Variants in CTNND2 observed in about 807,000 individuals in gnomAD.
CTNND2 encodes the protein catenin delta-2.
CTNND2 carries 22 observed loss-of-function variants against 144.4 expected under a neutral mutation model. That is an observed-to-expected ratio of 0.15 (90% CI 0.11 to 0.22). The LOEUF is 0.22. CTNND2 is among the 10% of genes least tolerant of loss of function. CTNND2 has a pLI of 1.00. For missense variants in CTNND2, 1,353 were observed against 1,618.8 expected, an observed-to-expected ratio of 0.84 and a Z score of 2.82; for synonymous variants, 751 against 695.6, an observed-to-expected ratio of 1.08 and a Z score of -1.25.
At chr5:11,674,450 G>T (rs377109464) in intron 2 of CTNND2, among the ~76,000 whole-genome samples, 1 of 152,102 alleles carries the variant, frequency 6.6e-6, no homozygotes, top group Non-Finnish European at 1.5e-5. Context: ...CACATGTATA[G>T]CCTCCCTCAT....
At chr5:11,800,850 T>A (rs1374958635) in intron 1 of CTNND2, among the ~76,000 whole-genome samples, 3 of 152,214 alleles carry the variant, frequency 2.0e-5, no homozygotes, top group Non-Finnish European at 4.4e-5. Flanking sequence ...AAGTCTTATT[T>A]ATAAATCACA....
At chr5:11,467,605 G>A (rs1018097980) in intron 3 of CTNND2, among the ~76,000 whole-genome samples, 1 of 152,130 alleles carries the variant, frequency 6.6e-6, no homozygotes, top group Non-Finnish European at 1.5e-5. Context: ...TAAGTACGTA[G>A]ACTTAACAAA....
chr5:11,509,779 A>C (rs983897816), intron 3 of CTNND2, among the ~76,000 whole-genome samples: 2 of 152,240 alleles, frequency 1.3e-5, no homozygotes, highest in Non-Finnish European at 2.9e-5. Context: ...ACACAGACAC[A>C]GCTGTACCAA....
At chr5:11,652,723 T>C (rs1208469329) in intron 2 of CTNND2, among the ~76,000 whole-genome samples, 1 of 152,198 alleles carries the variant, frequency 6.6e-6, no homozygotes, top group African/African-American at 2.4e-5. Flanking sequence ...ATGTATGAAG[T>C]TGTGTGTGTG....
At chr5:11,168,086 T>C (rs1759530497) in intron 11 of CTNND2, among the ~76,000 whole-genome samples, 1 of 152,132 alleles carries the variant, frequency 6.6e-6, no homozygotes, top group East Asian at 1.9e-4. Flanking sequence ...TTAAAATCAG[T>C]TAATATTACA....
intron 9 of CTNND2, among the ~76,000 whole-genome samples, chr5:11,302,835 C>T (rs1749753237): frequency 6.6e-6 from 1 of 152,154 alleles, no homozygotes; most frequent in Non-Finnish European, 1.5e-5. Context: ...TGAGGCAATG[C>T]CTGGTAGGTT....
chr5:11,594,040 C>A (rs1779385756), intron 2 of CTNND2, among the ~76,000 whole-genome samples: 1 of 152,192 alleles, frequency 6.6e-6, no homozygotes, highest in Admixed American at 6.5e-5. Flanking sequence ...TAAACATACT[C>A]TGTTTCTCAG....
rs140108948 is a variant in CTNND2 at position 11,514,749 on chromosome 5, C to T, written c.287+50195G>A. ...CATTTGCTTCGACTTGGAACTTTTC[C>T]CTAAGATGCAAATATGCATGTGCAT... On this transcript the variant is annotated intron_variant, in intron 3 of 21. Transcript: ENST00000304623. Among the ~76,000 whole-genome samples, 613 of 152,250 alleles carry T rather than the reference C, an allele frequency of 4.0e-3. 2 individuals are homozygous for T. Among genetic ancestry groups the T allele is most frequent in the South Asian group, 0.023 (112 of 4,830 alleles).
chr5:11,387,822 T>C (rs58146311), intron 6 of CTNND2, among the ~76,000 whole-genome samples: 1 of 152,168 alleles, frequency 6.6e-6, no homozygotes, highest in Non-Finnish European at 1.5e-5. Context: ...AGCATACCAA[T>C]GTAAATGAGA....
intron 9 of CTNND2, among the ~76,000 whole-genome samples, chr5:11,313,256 G>A (rs918596029): frequency 6.6e-6 from 1 of 152,172 alleles, no homozygotes; most frequent in African/African-American, 2.4e-5. Context: ...AGCAGGATTT[G>A]GGGCAGCAGC....
At chr5:11,375,781 A>T (rs1385714861) in intron 7 of CTNND2, among the ~76,000 whole-genome samples, 1 of 152,216 alleles carries the variant, frequency 6.6e-6, no homozygotes, top group Non-Finnish European at 1.5e-5. Context: ...TAGTACAGAA[A>T]GTCAATTTGT....
chr5:11,487,819 T>C (rs1266448469), intron 3 of CTNND2, among the ~76,000 whole-genome samples: 3 of 152,202 alleles, frequency 2.0e-5, no homozygotes, highest in African/African-American at 4.8e-5. Flanking sequence ...TAGCTTGAAA[T>C]TGACCACGGT....
intron 3 of CTNND2, among the ~76,000 whole-genome samples, chr5:11,538,636 T>C (rs1774437166): frequency 6.6e-6 from 1 of 152,326 alleles, no homozygotes; most frequent in Non-Finnish European, 1.5e-5. Context: ...TAATATTCTA[T>C]ATATTCCATC....
intron 14 of CTNND2, among the ~76,000 whole-genome samples, chr5:11,103,012 C>T (rs1473106184): frequency 9.5e-6 from 1 of 104,734 alleles, no homozygotes; most frequent in Admixed American, 1.3e-4. Flanking sequence ...GACAGAGTCT[C>T]ACTCTGTCAC....
At chr5:11,797,991 C>T (rs964493067) in intron 1 of CTNND2, among the ~76,000 whole-genome samples, 1 of 152,148 alleles carries the variant, frequency 6.6e-6, no homozygotes, top group African/African-American at 2.4e-5. Context: ...AGCTTGGTGG[C>T]TCACGCCTGT....
At chr5:11,214,346 G>A (rs945904388) in intron 10 of CTNND2, among the ~76,000 whole-genome samples, 2 of 152,030 alleles carry the variant, frequency 1.3e-5, no homozygotes, top group South Asian at 2.1e-4. Context: ...AAGAATACAG[G>A]CTATATAAAT....
Position 11,397,122 on chromosome 5 carries a change from C to T in CTNND2, c.521G>A (p.Ser174Asn). ...TTCCCCCAGGGCCAGGGTCTGGTTG[C>T]TATGGTAGCTGGCCGGATACTGGAA... ...GSFQYPASYH[S>N]NQTLALGETT... Residue 174 changes from serine to asparagine, a missense_variant, in exon 6 of 22, where the codon AGC (serine) becomes AAC (asparagine). Transcript: ENST00000304623. 1 of 1,614,212 alleles carries T rather than the reference C, an allele frequency of 6.2e-7. No individual in the cohort carries two copies. Among genetic ancestry groups the T allele is most frequent in the Non-Finnish European group, 8.5e-7 (1 of 1,180,042 alleles).
chr5:11,529,728 C>T (rs949060333), intron 3 of CTNND2, among the ~76,000 whole-genome samples: 2 of 152,036 alleles, frequency 1.3e-5, no homozygotes, highest in Non-Finnish European at 2.9e-5. Flanking sequence ...AAAATTTCAA[C>T]TAGATTTAGA....
At chr5:11,555,065 G>C (rs1483857855) in intron 3 of CTNND2, among the ~76,000 whole-genome samples, 1 of 152,006 alleles carries the variant, frequency 6.6e-6, no homozygotes, top group Non-Finnish European at 1.5e-5. Flanking sequence ...ATACCAATGA[G>C]ATAAGAACAG....
Sources: allele counts gnomAD v4.1 joint callset (sites outside exome capture counted in the v4.1 genomes callset), GRCh38; gene constraint gnomAD v4.1.1; transcripts MANE v1.5; gene names NCBI Gene and HGNC (gene_info 2026-07-23, HGNC 2026-07-21).